Variants in DACH2 observed in about 807,000 individuals in gnomAD.
DACH2 encodes dachshund homolog 2.
In DACH2, 17 loss-of-function variants were observed where a neutral mutation model predicts 35.8. That is an observed-to-expected ratio of 0.48 (90% CI 0.33 to 0.71). DACH2 has a LOEUF of 0.71. DACH2 is among the 30% of genes least tolerant of loss of function. The pLI, the probability that DACH2 is intolerant of heterozygous loss-of-function variation, is 0.02. For missense variants in DACH2, 469 were observed against 472.7 expected (o/e 0.99, Z 0.07); for synonymous variants, 195 against 177.3 (o/e 1.10, Z -0.79).
At chrX:86,231,984 G>A (rs543166117) in intron 1 of DACH2, among the ~76,000 whole-genome samples, 1 of 111,136 alleles carries the variant, frequency 9.0e-6, no homozygotes, top group Middle Eastern at 4.6e-3. Flanking sequence ...AGGTAAAGTT[G>A]GAACATCTCC....
chrX:86,356,053 A>G (rs966967441), intron 1 of DACH2, among the ~76,000 whole-genome samples: 5 of 111,248 alleles, frequency 4.5e-5, no homozygotes, highest in Admixed American at 1.9e-4. Flanking sequence ...CAACTTGTCA[A>G]TATTTCCTTT....
chrX:86,678,051 T>C (rs1260249404), intron 4 of DACH2, among the ~76,000 whole-genome samples: 1 of 111,821 alleles, frequency 8.9e-6, no homozygotes, highest in Non-Finnish European at 1.9e-5. Context: ...TAACTGGGCA[T>C]TGGTATGAGG....
chrX:86,738,254 A>G (rs11797439), intron 6 of DACH2, among the ~76,000 whole-genome samples: 31,448 of 110,885 alleles, frequency 0.28, 3,621 homozygotes, highest in Middle Eastern at 0.42. Context: ...AGGTGGCATC[A>G]CTGTGCCCGC....
chrX:86,687,660 A>C (rs2040961787), intron 4 of DACH2, among the ~76,000 whole-genome samples: 1 of 111,814 alleles, frequency 8.9e-6, no homozygotes, highest in African/African-American at 3.3e-5. Context: ...CATCAATGAT[A>C]GACTGGATTA....
At chrX:86,725,047 A>G (rs1641160614) in intron 6 of DACH2, among the ~76,000 whole-genome samples, 1 of 104,704 alleles carries the variant, frequency 9.6e-6, no homozygotes, top group African/African-American at 3.5e-5. Context: ...AAAAAACAAT[A>G]TCTGTCTTCT....
At chrX:86,221,031 T>C (rs1353573008) in intron 1 of DACH2, among the ~76,000 whole-genome samples, 1 of 111,791 alleles carries the variant, frequency 8.9e-6, no homozygotes, top group Non-Finnish European at 1.9e-5. Flanking sequence ...CTGTTGATTG[T>C]TTCTTTTGCT....
chrX:86,805,249 C>T lies in DACH2; in HGVS notation c.1241-7607C>T, dbSNP rs145523984. On this transcript the variant is annotated intron_variant, in intron 7 of 11. Coordinates refer to ENST00000373125, the MANE Select transcript of DACH2 (RefSeq NM_053281.3). ...CTGTAGGCTTAACACCACATGAAAG[C>T]GGCCAAGGCTTATGGCTTTTTCCTC... Among the ~76,000 whole-genome samples the T allele has an allele frequency of 8.2e-4, 92 of 112,843 alleles. 2 individuals carry two copies. The highest frequency in any genetic ancestry group is 3.9e-3 in the East Asian group (14 of 3,555).
intron 2 of DACH2, among the ~76,000 whole-genome samples, chrX:86,451,823 T>G (rs753568941): frequency 4.5e-5 from 5 of 111,241 alleles, no homozygotes; most frequent in Admixed American, 3.8e-4. Flanking sequence ...CTCTTCCTGT[T>G]GGGATGCTCT....
At position 86,832,116 on chromosome X, in the gene DACH2, T is replaced by C; in HGVS notation, c.1761T>C (p.Tyr587=). ...TTCTTTTTTTTTAAGGAGGTAACTA[T>C]TACTGTTTAGAAATGGCACAACAGT... ...HDSAAMQGGN[Y]YCLEMAQQLY... is the part of the protein sequence containing the mutation. Residue 587 remains tyrosine (Y), a synonymous_variant, in exon 12 of 12, where the codon TAT becomes TAC. Coordinates refer to ENST00000373125, the MANE Select transcript of DACH2 (RefSeq NM_053281.3). 1 of 1,191,434 alleles carries C rather than the reference T, an allele frequency of 8.4e-7. No homozygotes were observed. Among genetic ancestry groups the C allele is most frequent in the South Asian group, 1.8e-5 (1 of 55,828 alleles).
intron 7 of DACH2, among the ~76,000 whole-genome samples, chrX:86,787,618 CAAAA>C (rs5902916): frequency 2.8e-5 from 2 of 72,286 alleles, no homozygotes; most frequent in Non-Finnish European, 2.6e-5. Flanking sequence ...AACTCAGTCT[CAAAA>C]AAAAAAAAAA....
At chrX:86,608,417 G>T (rs751212150) in intron 3 of DACH2, among the ~76,000 whole-genome samples, 3 of 111,799 alleles carry the variant, frequency 2.7e-5, no homozygotes, top group African/African-American at 9.7e-5. Flanking sequence ...CCATTACTAG[G>T]TATTGTTTTT....
chrX:86,445,251 C>T (rs984970857), intron 2 of DACH2, among the ~76,000 whole-genome samples: 1 of 104,464 alleles, frequency 9.6e-6, no homozygotes, highest in Non-Finnish European at 1.9e-5. Flanking sequence ...AGTAAACTAT[C>T]GCAAGAACAA....
intron 1 of DACH2, among the ~76,000 whole-genome samples, chrX:86,198,832 A>C (rs11798656): frequency 0.079 from 8,706 of 110,733 alleles, 323 homozygotes; most frequent in East Asian, 0.19. Context: ...ATTCTATCAG[A>C]TGTACAAAGA....
chrX:86,302,854 G>T (rs888068123), intron 1 of DACH2, among the ~76,000 whole-genome samples: 5 of 109,807 alleles, frequency 4.6e-5, no homozygotes, highest in African/African-American at 1.7e-4. Flanking sequence ...GCTGTGCAGT[G>T]TTTTGCAAGT....
intron 3 of DACH2, among the ~76,000 whole-genome samples, chrX:86,633,961 G>A (rs2040232417): frequency 8.9e-6 from 1 of 112,139 alleles, no homozygotes; most frequent in South Asian, 3.7e-4. Flanking sequence ...ATGAGACTGG[G>A]TAATTTATGA....
intron 1 of DACH2, among the ~76,000 whole-genome samples, chrX:86,293,634 G>C (rs372970252): frequency 5.1e-4 from 56 of 110,200 alleles, no homozygotes; most frequent in African/African-American, 1.3e-3. Flanking sequence ...GACAAAATCT[G>C]TCAGCATTTG....
intron 1 of DACH2, chrX:86,304,427 C>A (rs1306234411): frequency 8.8e-6 from 1 of 113,967 alleles, no homozygotes; most frequent in African/African-American, 3.2e-5. Context: ...GGTGTATTTA[C>A]GTTATTGGCA....
At chrX:86,730,893 T>C (rs908299495) in intron 6 of DACH2, among the ~76,000 whole-genome samples, 19 of 111,392 alleles carry the variant, frequency 1.7e-4, no homozygotes, top group Admixed American at 1.6e-3. Context: ...TTTTGTCTCT[T>C]ATTTTTCACA....
In DACH2 at chrX:86,459,338, A is replaced by G. The variant is rs1374014260; in HGVS notation, c.528-54941A>G. ...TGGATGCTTCTCAAAAGCAATTTATAAAAGGGTTAATTATACTTTTGCAAG... is the reference window on the plus strand; with the variant it reads ...TGGATGCTTCTCAAAAGCAATTTATGAAAGGGTTAATTATACTTTTGCAAG... On this transcript the variant is annotated intron_variant, in intron 2 of 11. Coordinates refer to ENST00000373125, the MANE Select transcript of DACH2 (RefSeq NM_053281.3). Among the ~76,000 whole-genome samples the G allele has an allele frequency of 7.2e-5, 8 of 111,788 alleles. No homozygotes were observed. The South Asian group carries it at 3.0e-3, about 42-fold the overall frequency.
Sources: gnomAD v4.1 joint callset for allele counts (sites outside exome capture counted in the v4.1 genomes callset) on GRCh38, gnomAD v4.1.1 for gene constraint, MANE v1.5 for transcripts, NCBI Gene and HGNC (gene_info 2026-07-23, HGNC 2026-07-21) for gene names.